SMAD6: variants seen among roughly 807,000 people sequenced by gnomAD.
SMAD6 encodes MAD homolog 6.
In SMAD6, 103 loss-of-function variants were observed where a neutral mutation model predicts 39.4. That is an observed-to-expected ratio of 2.62 (90% confidence interval 2.23 to 3.08). SMAD6 has a LOEUF of 3.08. Ranked by LOEUF, SMAD6 falls within the 30% of genes most tolerant of loss-of-function variation. The pLI, the probability that SMAD6 is intolerant of heterozygous loss-of-function variation, is 0.00. For synonymous variants in SMAD6, 445 were observed against 353.3 expected, an observed-to-expected ratio of 1.26 and a Z score of -2.91; for missense variants, 1,104 against 742.9, an observed-to-expected ratio of 1.49 and a Z score of -5.65.
intron 3 of SMAD6, among the ~76,000 whole-genome samples, chr15:66,722,049 G>C (rs1893443450): frequency 6.6e-6 from 1 of 152,210 alleles, no homozygotes. Context: ...TCGAGGGACT[G>C]GGAAGCAAAG....
At position 66,703,126 on chromosome 15, in the gene SMAD6, G is replaced by A. The variant is rs1893011114; in HGVS notation, c.-133G>A. 3.4e-6 allele frequency: 2 copies of A among 582,246 alleles called. No homozygotes were observed. Among genetic ancestry groups the A allele is most frequent in the Non-Finnish European group, 5.4e-6 (2 of 372,078 alleles). The allele number at this position is 582,246 out of a possible 1,614,324, so 36.1% of individuals were successfully genotyped here. A position where few individuals can be genotyped will look rare whatever the true frequency, so the allele number is the denominator to read the frequency against. ...GCGCCCCTTCGACGACAGGCTGTGC[G>A]CGGTCTGCACGGCGCTCCGCGGCGG... On this transcript the variant is annotated 5_prime_UTR_variant, in exon 1 of 4. Coordinates refer to ENST00000288840, the MANE Select transcript of SMAD6 (RefSeq NM_005585.5).
intron 3 of SMAD6, among the ~76,000 whole-genome samples, chr15:66,769,245 C>T (rs1182507452): frequency 2.0e-5 from 3 of 152,172 alleles, no homozygotes; most frequent in Non-Finnish European, 4.4e-5. Flanking sequence ...CTGCTGCTCA[C>T]AGAGGTCTCT....
intron 3 of SMAD6, among the ~76,000 whole-genome samples, chr15:66,741,578 A>T (rs150294442): frequency 1.6e-4 from 25 of 152,304 alleles, no homozygotes; most frequent in Non-Finnish European, 3.5e-4. Flanking sequence ...TTTAACCCTG[A>T]CTGGGAACCA....
chr15:66,730,782 T>G (rs1893613832), intron 3 of SMAD6, among the ~76,000 whole-genome samples: 1 of 152,220 alleles, frequency 6.6e-6, no homozygotes, highest in Non-Finnish European at 1.5e-5. Flanking sequence ...TATCTCCACT[T>G]GATAGATGAA....
intron 3 of SMAD6, among the ~76,000 whole-genome samples, chr15:66,742,500 T>C (rs1893832688): frequency 6.6e-6 from 1 of 152,060 alleles, no homozygotes; most frequent in Non-Finnish European, 1.5e-5. Flanking sequence ...GCCAGGACAC[T>C]CACCCTTGGG....
intron 3 of SMAD6, 133 bp from the exon 4 acceptor site, chr15:66,780,864 G>A: frequency 1.3e-6 from 1 of 797,004 alleles, no homozygotes; most frequent in Non-Finnish European, 1.9e-6. Context: ...GGCACACGGT[G>A]CCCACATGAC....
chr15:66,711,552 G>T lies in SMAD6; in HGVS notation c.818-116G>T, dbSNP rs73488318. ...GGGCAGCAGAGGAGGTGGGACAAAG[G>T]GAGGGCTTCCTGGAGGCTGAGTTTA... On this transcript the variant is annotated intron_variant, in intron 1 of 3. Coordinates refer to ENST00000288840, the MANE Select transcript of SMAD6 (RefSeq NM_005585.5). The T allele has an allele frequency of 2.6e-3, 2,130 of 817,454 alleles. 41 individuals carry two copies. The African/African-American group carries it at 0.03, about 12-fold the overall frequency. The allele number at this position is 817,454 out of a possible 1,614,324, so 50.6% of individuals were successfully genotyped here.
intron 3 of SMAD6, chr15:66,740,905 T>C (rs1893802184): frequency 6.6e-6 from 1 of 152,170 alleles, no homozygotes; most frequent in East Asian, 1.9e-4. Flanking sequence ...CCCTGGAGGG[T>C]GGCTTAGGAA....
chr15:66,770,140 C>T (rs574301779), intron 3 of SMAD6, among the ~76,000 whole-genome samples: 1 of 152,298 alleles, frequency 6.6e-6, no homozygotes, highest in South Asian at 2.1e-4. Flanking sequence ...GAAGGGCTTT[C>T]TTGAAGCCTA....
chr15:66,719,621 C>CT (rs1206768416), intron 3 of SMAD6, among the ~76,000 whole-genome samples: 1 of 152,202 alleles, frequency 6.6e-6, no homozygotes, highest in Non-Finnish European at 1.5e-5. Context: ...GCCTGGGACT[C>CT]TTATCTGTTT....
At chr15:66,751,349 T>G (rs1394171707) in intron 3 of SMAD6, among the ~76,000 whole-genome samples, 1 of 152,208 alleles carries the variant, frequency 6.6e-6, no homozygotes, top group Non-Finnish European at 1.5e-5. Context: ...ATTGTGAGCC[T>G]TGAATGGTAG....
intron 1 of SMAD6, chr15:66,705,278 G>GAGGAA (rs1893086486): frequency 6.6e-6 from 1 of 151,934 alleles, no homozygotes; most frequent in African/African-American, 2.4e-5. Context: ...AGTGTCTGGA[G>GAGGAA]AGGAAAGGAA....
At chr15:66,772,534 A>T (rs1894396550) in intron 3 of SMAD6, among the ~76,000 whole-genome samples, 1 of 152,226 alleles carries the variant, frequency 6.6e-6, no homozygotes, top group Non-Finnish European at 1.5e-5. Flanking sequence ...AATCTATCAT[A>T]TAATTTATAT....
chr15:66,763,308 T>G (rs1894233307), intron 3 of SMAD6, among the ~76,000 whole-genome samples: 1 of 152,216 alleles, frequency 6.6e-6, no homozygotes, highest in South Asian at 2.1e-4. Context: ...AGGGGCACCC[T>G]GGGGAGACTG....
rs1446210439 is a variant in SMAD6 at position 66,747,938 on chromosome 15, C to T, written c.952+31440C>T. On this transcript the variant is annotated intron_variant, in intron 3 of 3. Transcript: ENST00000288840. The surrounding 1 kb of genome is among the most constrained non-coding windows in gnomAD (Gnocchi z 4.5). ...AGCCCTTTGCACCCCACTTCTCTTT[C>T]TCCGGCATGAGGCAGTGGCTGGGGG... Among the ~76,000 whole-genome samples the T allele has an allele frequency of 6.6e-6, 1 of 152,162 alleles. No homozygotes were observed. The highest frequency in any genetic ancestry group is 1.5e-5 in the Non-Finnish European group (1 of 68,030).
At chr15:66,776,509 G>A (rs1894470897) in intron 3 of SMAD6, among the ~76,000 whole-genome samples, 1 of 152,228 alleles carries the variant, frequency 6.6e-6, no homozygotes, top group African/African-American at 2.4e-5. Context: ...GGCAGCCTTA[G>A]GTCATTCTCA....
chr15:66,731,574 T>A (rs1893630563), intron 3 of SMAD6, among the ~76,000 whole-genome samples: 1 of 152,262 alleles, frequency 6.6e-6, no homozygotes, highest in African/African-American at 2.4e-5. Flanking sequence ...TGTAATTATA[T>A]AGCAAATAGC....
chr15:66,738,950 G>A (rs1893764588), intron 3 of SMAD6, among the ~76,000 whole-genome samples: 2 of 152,152 alleles, frequency 1.3e-5, no homozygotes, highest in Admixed American at 6.5e-5. Flanking sequence ...TCATCTGGCT[G>A]CAAATGGGAC....
At chr15:66,757,564 G>A (rs1028344234) in intron 3 of SMAD6, among the ~76,000 whole-genome samples, 4 of 152,188 alleles carry the variant, frequency 2.6e-5, no homozygotes, top group Admixed American at 6.5e-5. Flanking sequence ...CTCCCAGGCC[G>A]GGGGCTGGTC....
Sources: gnomAD v4.1 joint callset for allele counts (sites outside exome capture counted in the v4.1 genomes callset) on GRCh38, gnomAD v4.1.1 for gene constraint, Gnocchi (gnomAD v3.1) non-coding constraint, MANE v1.5 for transcripts, NCBI Gene and HGNC (gene_info 2026-07-23, HGNC 2026-07-21) for gene names.